The following ATXN7 variants were observed in gnomAD, a reference collection of about 807,000 sequenced individuals.
ATXN7 encodes ataxin-7.
Under a neutral mutation model 70.5 loss-of-function variants are expected in ATXN7, and 12 were observed. The observed-to-expected ratio is 0.17, with a 90% confidence interval of 0.11 to 0.28. The LOEUF is 0.28. ATXN7 is among the 10% of genes least tolerant of loss of function. ATXN7 has a pLI of 1.00. For missense variants in ATXN7, 1,256 were observed against 1,131.7 expected (o/e 1.11, Z -1.58); for synonymous variants, 498 against 448.7 (o/e 1.11, Z -1.39).
intron 4 of ATXN7, among the ~76,000 whole-genome samples, chr3:63,931,970 A>G (rs748174978): frequency 3.3e-5 from 5 of 152,190 alleles, no homozygotes; most frequent in Non-Finnish European, 7.3e-5. Flanking sequence ...GCATCACTTC[A>G]TGTATATGTG....
At chr3:63,967,751 G>A in intron 5 of ATXN7, 1 of 1,414,650 alleles carries the variant, frequency 7.1e-7, no homozygotes, top group Non-Finnish European at 9.2e-7. Context: ...CCTGTTTTCT[G>A]TTGATCTGCC....
chr3:63,961,995 A>C (rs747988007), intron 5 of ATXN7, among the ~76,000 whole-genome samples: 1 of 152,202 alleles, frequency 6.6e-6, no homozygotes, highest in East Asian at 1.9e-4. Flanking sequence ...CTGTGATCTT[A>C]CATATGACCA....
At chr3:63,983,206 G>A (rs552143838) in intron 8 of ATXN7, among the ~76,000 whole-genome samples, 185 bp downstream of exon 8, 6 of 152,290 alleles carry the variant, frequency 3.9e-5, no homozygotes, top group Non-Finnish European at 7.4e-5. Flanking sequence ...TGTGAAGTGC[G>A]TTGTTATAAA....
At chr3:63,890,473 G>A (rs547753660) in intron 1 of ATXN7, among the ~76,000 whole-genome samples, 5 of 152,220 alleles carry the variant, frequency 3.3e-5, no homozygotes, top group African/African-American at 1.2e-4. Flanking sequence ...ATGTATAACA[G>A]GGCATTACAT....
intron 4 of ATXN7, among the ~76,000 whole-genome samples, chr3:63,938,272 T>C (rs2074698744): frequency 6.6e-6 from 1 of 152,178 alleles, no homozygotes; most frequent in African/African-American, 2.4e-5. Flanking sequence ...CTTGTGGAAG[T>C]ATTGCCATTA....
intron 4 of ATXN7, among the ~76,000 whole-genome samples, chr3:63,920,939 A>G (rs1704488070): frequency 6.6e-6 from 1 of 152,214 alleles, no homozygotes; most frequent in Non-Finnish European, 1.5e-5. Flanking sequence ...TCTGATTATT[A>G]AAGTATTTTT....
chr3:63,922,604 A>C (rs1395099768), intron 4 of ATXN7, among the ~76,000 whole-genome samples: 1 of 152,136 alleles, frequency 6.6e-6, no homozygotes, highest in African/African-American at 2.4e-5. Flanking sequence ...TAAAGTCATC[A>C]TGAAGGTGGG....
At chr3:63,869,616 G>A (rs1282649270) in intron 1 of ATXN7, among the ~76,000 whole-genome samples, 5 of 152,088 alleles carry the variant, frequency 3.3e-5, no homozygotes, top group Non-Finnish European at 7.4e-5. Flanking sequence ...GTAGAGATGG[G>A]GTTTCGCCAT....
intron 11 of ATXN7, among the ~76,000 whole-genome samples, chr3:63,992,640 C>G (rs1222463086): frequency 1.3e-5 from 2 of 152,112 alleles, no homozygotes; most frequent in Admixed American, 6.6e-5. Flanking sequence ...TTGATGTGAA[C>G]TTTTTAAAAA....
At chr3:63,937,682 A>T (rs921612239) in intron 4 of ATXN7, among the ~76,000 whole-genome samples, 1 of 152,144 alleles carries the variant, frequency 6.6e-6, no homozygotes, top group Admixed American at 6.5e-5. Flanking sequence ...CCCTTAGTAA[A>T]TATGTGTTGG....
In ATXN7 at chr3:63,912,663, G is replaced by GAGCAGCGGCCGC. The variant is rs1487360292; in HGVS notation, c.66_77dup (p.Ala25_Ala28dup). 5.3e-5 allele frequency: 56 copies of GAGCAGCGGCCGC among 1,050,188 alleles called. No individual in the cohort carries two copies. Among genetic ancestry groups the GAGCAGCGGCCGC allele is most frequent in the Non-Finnish European group, 6.3e-5 (55 of 870,174 alleles). The allele number at this position is 1,050,188 out of a possible 1,614,324, so 65.1% of individuals were successfully genotyped here. A position where few individuals can be genotyped will look rare whatever the true frequency, so the allele number is the denominator to read the frequency against. On this transcript the variant is annotated inframe_insertion, in exon 3 of 13. Transcript: ENST00000674280. ...CGCCGCGCGGCGGCGGCGGCGGGCG[G>GAGCAGCGGCCGC]AGCAGCGGCCGCGGCCGCCCGGCAG...
At chr3:63,971,268 A>C (rs564249591) in intron 5 of ATXN7, among the ~76,000 whole-genome samples, 1 of 152,130 alleles carries the variant, frequency 6.6e-6, no homozygotes, top group African/African-American at 2.4e-5. Context: ...TTGTCCTTTG[A>C]GGCACTGCAT....
Position 64,002,516 on chromosome 3 carries a change from CGT to C in ATXN7, c.*3058_*3059del, listed in dbSNP as rs59211117. 9,398 of 151,624 alleles carry C rather than the reference CGT, an allele frequency of 0.062. 528 individuals are homozygous for C. The highest frequency in any genetic ancestry group is 0.15 in the African/African-American group (6,119 of 41,274). The allele number at this position is 151,624 out of a possible 1,614,324, so 9.4% of individuals were successfully genotyped here. A position where few individuals can be genotyped will look rare whatever the true frequency, so the allele number is the denominator to read the frequency against. On this transcript the variant is annotated 3_prime_UTR_variant, in exon 13 of 13. Coordinates refer to ENST00000674280, the MANE Select transcript of ATXN7 (RefSeq NM_001377405.1). ...GTGACTGCGTGTGTGTGTGCCTGTG[CGT>C]GTGTGTGTATACTCAGCACATGTAT...
Position 63,988,313 on chromosome 3 carries a change from C to G in ATXN7, c.1350C>G (p.Pro450=), listed in dbSNP as rs1377686215. 32 of 1,613,968 alleles carry G rather than the reference C, an allele frequency of 2.0e-5. No individual in the cohort carries two copies. The highest frequency in any genetic ancestry group is 2.6e-5 in the Non-Finnish European group (31 of 1,180,016). The change falls in exon 9 of 13, where the codon CCC becomes CCG. Residue 450 remains proline, a synonymous_variant. Transcript: ENST00000674280. ...CTAGTAAACCTAAACCTCACACCCC[C>G]AGTCTTCCAAGGTAAGCCAGGCCCT... ...FVASKPKPHT[P]SLPRPPGCPA...
At chr3:63,910,244 G>T (rs949904122) in intron 2 of ATXN7, among the ~76,000 whole-genome samples, 1 of 152,262 alleles carries the variant, frequency 6.6e-6, no homozygotes, top group Non-Finnish European at 1.5e-5. Context: ...GAGGAAGTAG[G>T]ACCATACTTC....
intron 1 of ATXN7, among the ~76,000 whole-genome samples, chr3:63,875,006 C>G (rs201988516): frequency 6.6e-6 from 1 of 152,168 alleles, no homozygotes; most frequent in Non-Finnish European, 1.5e-5. Flanking sequence ...GGACCTCTTT[C>G]GTAATGGCAC....
chr3:63,988,598 C>G (rs978722724), intron 9 of ATXN7: 12 of 385,812 alleles, frequency 3.1e-5, no homozygotes, highest in African/African-American at 2.6e-4. Context: ...CTCTGTTGAG[C>G]AGGCAGAAAT....
In ATXN7 at chr3:63,863,949, CCG is replaced by C. The variant is rs572966832; in HGVS notation, c.-316_-315del. On this transcript the variant is annotated 5_prime_UTR_variant, in exon 1 of 13. It introduces an in-frame stop codon into an upstream open reading frame of the 5' UTR. Transcript: ENST00000674280. Reference sequence around the variant, plus strand: ...GCTCCGACGCCTGAGCCGCGCCGCGCCGCGCCGCCGCCGCCGCCGCCGCCGCC... The same window carrying C: ...GCTCCGACGCCTGAGCCGCGCCGCGCCGCCGCCGCCGCCGCCGCCGCCGCC... The C allele has an allele frequency of 0.31, 50,255 of 162,884 alleles. 7,434 individuals carry two copies. The highest frequency in any genetic ancestry group is 0.47 in the East Asian group (1,977 of 4,246). The allele number at this position is 162,884 out of a possible 1,614,324, so 10.1% of individuals were successfully genotyped here.
intron 4 of ATXN7, among the ~76,000 whole-genome samples, chr3:63,936,101 C>T (rs1269540168): frequency 6.6e-6 from 1 of 152,156 alleles, no homozygotes; most frequent in Non-Finnish European, 1.5e-5. Context: ...TGCTCACTAC[C>T]ATATTTTCAT....
Sources: allele counts gnomAD v4.1 joint callset (sites outside exome capture counted in the v4.1 genomes callset), GRCh38; gene constraint gnomAD v4.1.1; transcripts MANE v1.5; gene names NCBI Gene and HGNC (gene_info 2026-07-23, HGNC 2026-07-21).